PDZRN4: variants seen among roughly 807,000 people sequenced by gnomAD.
PDZRN4 encodes PDZ domain-containing RING finger protein 4.
A neutral mutation model predicts 99.0 loss-of-function variants in PDZRN4; 70 were observed. The ratio of observed to expected loss-of-function variants is 0.71; its 90% CI spans 0.58 to 0.86. The LOEUF (loss-of-function observed/expected upper bound fraction) is 0.86. Among genes scored for constraint, PDZRN4 ranks in the 40% least tolerant of loss-of-function variants. The pLI is 0.00. For synonymous variants in PDZRN4, 551 were observed against 501.6 expected (o/e 1.10, Z -1.32); for missense variants, 1,474 against 1,331.2 (o/e 1.11, Z -1.67).
intron 3 of PDZRN4, among the ~76,000 whole-genome samples, chr12:41,504,652 C>T (rs995182452): frequency 6.6e-6 from 1 of 152,154 alleles, no homozygotes; most frequent in Non-Finnish European, 1.5e-5. Context: ...GCCTGAGCAC[C>T]TGTCATACAG....
In PDZRN4 at chr12:41,188,914, C is replaced by T. The variant is rs1198260660; in HGVS notation, c.459C>T (p.Arg153=). The change falls in exon 1 of 10, where the codon CGC becomes CGT. Residue 153 remains arginine (R), a synonymous_variant. Transcript: ENST00000402685. ...GGARGGPPGG[R]WGRGRGPGPR... is the part of the protein sequence containing the mutation. ...CGCGCGGGGGGCCGCCGGGCGGCCG[C>T]TGGGGCCGCGGGCGGGGACCCGGGC... 6.1e-6 allele frequency: 7 copies of T among 1,145,484 alleles called. No individual in the cohort carries two copies. The highest frequency in any genetic ancestry group is 7.5e-6 in the Non-Finnish European group (7 of 934,352). 71.0% of individuals were successfully genotyped at this position (1,145,484 alleles called of 1,614,324 possible). A position where few individuals can be genotyped will look rare whatever the true frequency, so the allele number is the denominator to read the frequency against.
intron 3 of PDZRN4, among the ~76,000 whole-genome samples, chr12:41,468,156 G>A (rs913991506): frequency 3.3e-5 from 5 of 152,168 alleles, no homozygotes; most frequent in Admixed American, 1.3e-4. Flanking sequence ...AGTACTGGCT[G>A]CGCATAGGGA....
rs1939310239 is a variant in PDZRN4, at chr12:41,563,554, G to A, written c.1372G>A (p.Gly458Arg). ...REGDRILQIN[G>R]EDVQNREEAV... Reference sequence around the variant, plus strand: ...ACTCTCATTTGTTTTCTAGATAAATGGGGAAGATGTCCAGAATCGAGAAGA... The same window carrying A: ...ACTCTCATTTGTTTTCTAGATAAATAGGGAAGATGTCCAGAATCGAGAAGA... Residue 458 changes from glycine (G) to arginine (R), a missense_variant, in exon 8 of 10, where the codon GGG becomes AGG. Physicochemically the swap from Gly to Arg is moderately radical, Grantham distance 125 (BLOSUM62 -2). Transcript: ENST00000402685. 3.7e-6 allele frequency: 6 copies of A among 1,610,954 alleles called. No individual in the cohort carries two copies. The highest frequency in any genetic ancestry group is 1.3e-5 in the African/African-American group (1 of 74,822).
chr12:41,221,366 C>T (rs2120724722), intron 3 of PDZRN4, among the ~76,000 whole-genome samples: 1 of 152,176 alleles, frequency 6.6e-6, no homozygotes. Flanking sequence ...TTATATGAGG[C>T]ACATGGGGAA....
chr12:41,468,206 G>A (rs999822737), intron 3 of PDZRN4, among the ~76,000 whole-genome samples: 5 of 152,146 alleles, frequency 3.3e-5, no homozygotes, highest in Admixed American at 3.3e-4. Context: ...CTGACCCTCA[G>A]AATATGGAAA....
At chr12:41,316,761 G>A (rs963253979) in intron 3 of PDZRN4, among the ~76,000 whole-genome samples, 1 of 151,584 alleles carries the variant, frequency 6.6e-6, no homozygotes, top group African/African-American at 2.4e-5. Context: ...TGGCATTCAT[G>A]AGCCCAAATT....
At chr12:41,524,227 G>C (rs2120721915) in intron 5 of PDZRN4, among the ~76,000 whole-genome samples, 1 of 152,234 alleles carries the variant, frequency 6.6e-6, no homozygotes, top group African/African-American at 2.4e-5. Flanking sequence ...CAAATGGAAA[G>C]ACATCTCATG....
intron 3 of PDZRN4, among the ~76,000 whole-genome samples, chr12:41,406,858 C>CAAAA (rs758320141): frequency 2.1e-5 from 1 of 46,890 alleles, no homozygotes; most frequent in Admixed American, 2.2e-4. Context: ...AACTCCGTCT[C>CAAAA]AAAAAAAAAA....
chr12:41,197,919 G>GTTTTTTTTTTTTT (rs764851464), intron 3 of PDZRN4, among the ~76,000 whole-genome samples: 3 of 113,464 alleles, frequency 2.6e-5, no homozygotes, highest in Non-Finnish European at 3.5e-5. Flanking sequence ...GTTTTTTCTG[G>GTTTTTTTTTTTTT]GTTTTTTTTT....
intron 3 of PDZRN4, among the ~76,000 whole-genome samples, chr12:41,321,608 C>T (rs1338129364): frequency 1.6e-4 from 25 of 152,110 alleles, no homozygotes; most frequent in Admixed American, 1.6e-3. Context: ...TCTATTTATT[C>T]AGCTCACTTG....
At chr12:41,375,264 A>C (rs1952070764) in intron 3 of PDZRN4, among the ~76,000 whole-genome samples, 1 of 152,304 alleles carries the variant, frequency 6.6e-6, no homozygotes, top group South Asian at 2.1e-4. Flanking sequence ...AATTGTTTTA[A>C]CCTATCAAGT....
At chr12:41,410,412 C>A (rs1297040142) in intron 3 of PDZRN4, among the ~76,000 whole-genome samples, 1 of 152,176 alleles carries the variant, frequency 6.6e-6, no homozygotes, top group Non-Finnish European at 1.5e-5. Flanking sequence ...GTGCATAAGT[C>A]TGCCTTTAAA....
At chr12:41,262,524 C>A (rs534355985) in intron 3 of PDZRN4, among the ~76,000 whole-genome samples, 2 of 152,222 alleles carry the variant, frequency 1.3e-5, no homozygotes, top group Admixed American at 1.3e-4. Flanking sequence ...ATAATAATTT[C>A]TTATGCAATA....
At chr12:41,198,887 C>A (rs1452389355) in intron 3 of PDZRN4, among the ~76,000 whole-genome samples, 1 of 152,096 alleles carries the variant, frequency 6.6e-6, no homozygotes, top group Admixed American at 6.6e-5. Context: ...TATCGCCAGA[C>A]TACCAACTAC....
chr12:41,332,057 G>A (rs895348123), intron 3 of PDZRN4, among the ~76,000 whole-genome samples: 1 of 152,098 alleles, frequency 6.6e-6, no homozygotes, highest in Non-Finnish European at 1.5e-5. Context: ...ATCAGGAAGT[G>A]AGCTTAATTG....
intron 5 of PDZRN4, among the ~76,000 whole-genome samples, chr12:41,520,006 C>G (rs1181400034): frequency 6.6e-6 from 1 of 152,066 alleles, no homozygotes; most frequent in Admixed American, 6.6e-5. Flanking sequence ...ACACAAACTG[C>G]CTGCAGTTCC....
Position 41,568,098 on chromosome 12 carries a change from T to C in PDZRN4, c.1584+199T>C, listed in dbSNP as rs530935063. Among the ~76,000 whole-genome samples, 5 of 152,276 alleles carry C rather than the reference T, an allele frequency of 3.3e-5. No individual in the cohort carries two copies. In the East Asian group the frequency reaches 7.7e-4, roughly 23 times the overall value. ...TTTTTCCATTAAGAATATATCCAGT[T>C]TGGGAAGCTTGGGGACAATTGTTAA... On this transcript the variant is annotated intron_variant, in intron 9 of 9. Coordinates refer to ENST00000402685, the MANE Select transcript of PDZRN4 (RefSeq NM_001164595.2).
chr12:41,450,583 G>A (rs1298120681), intron 3 of PDZRN4, among the ~76,000 whole-genome samples: 2 of 152,090 alleles, frequency 1.3e-5, no homozygotes, highest in Non-Finnish European at 2.9e-5. Context: ...AGAACTACAT[G>A]CAAAAGTGAT....
intron 3 of PDZRN4, among the ~76,000 whole-genome samples, chr12:41,244,969 C>T (rs536083380): frequency 1.3e-5 from 2 of 152,084 alleles, no homozygotes; most frequent in African/African-American, 2.4e-5. Context: ...GGATTACAGG[C>T]GTGAGCCACC....
Sources: allele counts gnomAD v4.1 joint callset (sites outside exome capture counted in the v4.1 genomes callset), GRCh38; gene constraint gnomAD v4.1.1; transcripts MANE v1.5; gene names NCBI Gene and HGNC (gene_info 2026-07-23, HGNC 2026-07-21).